Variants in EPM2A observed in about 807,000 individuals in gnomAD.
EPM2A encodes laforin.
Under a neutral mutation model 26.5 loss-of-function variants are expected in EPM2A, and 21 were observed. The ratio of observed to expected loss-of-function variants is 0.79; its 90% CI spans 0.56 to 1.14. EPM2A has a LOEUF of 1.14. Among genes scored for constraint, EPM2A ranks in the 50% most tolerant of loss-of-function variants. EPM2A has a pLI of 0.00. For synonymous variants in EPM2A, 217 were observed against 177.6 expected (o/e 1.22, Z -1.76); for missense variants, 458 against 440.8 (o/e 1.04, Z -0.35).
intron 4 of EPM2A, among the ~76,000 whole-genome samples, chr6:145,415,978 T>C (rs1778702739): frequency 6.6e-6 from 1 of 152,194 alleles, no homozygotes; most frequent in Non-Finnish European, 1.5e-5. Context: ...TGAGCCTGAC[T>C]TACGCCAGAA....
intron 2 of EPM2A, among the ~76,000 whole-genome samples, chr6:145,508,606 C>A (rs1780011610): frequency 6.6e-6 from 1 of 152,038 alleles, no homozygotes; most frequent in African/African-American, 2.4e-5. Flanking sequence ...AAAACAATAG[C>A]AAATTAAAAA....
At chr6:145,614,272 T>G (rs747704041) in intron 2 of EPM2A, among the ~76,000 whole-genome samples, 2 of 152,260 alleles carry the variant, frequency 1.3e-5, no homozygotes, top group Non-Finnish European at 2.9e-5. Context: ...GAGTTAGGGC[T>G]TTGCTCTGGA....
At chr6:145,470,810 T>C (rs1201443036) in intron 4 of EPM2A, among the ~76,000 whole-genome samples, 1 of 152,194 alleles carries the variant, frequency 6.6e-6, no homozygotes, top group African/African-American at 2.4e-5. Flanking sequence ...TTTCATTAAA[T>C]GCTTTAGCTA....
intron 4 of EPM2A, among the ~76,000 whole-genome samples, chr6:145,404,506 G>T (rs1248691167): frequency 3.3e-5 from 5 of 151,912 alleles, no homozygotes; most frequent in African/African-American, 7.2e-5. Context: ...AATTCAAATT[G>T]AAGCTCGCCC....
At chr6:145,601,882 A>C (rs1212470263) in intron 2 of EPM2A, among the ~76,000 whole-genome samples, 1 of 152,232 alleles carries the variant, frequency 6.6e-6, no homozygotes, top group African/African-American at 2.4e-5. Context: ...CTTTTAAGAA[A>C]AAGAATACAT....
chr6:145,664,682 C>G (rs1583001865), intron 2 of EPM2A, among the ~76,000 whole-genome samples: 2 of 152,292 alleles, frequency 1.3e-5, no homozygotes, highest in African/African-American at 4.8e-5. Context: ...ATCTACAGAA[C>G]TCTCCACCCC....
intron 2 of EPM2A, chr6:145,635,740 T>C (rs763264179): frequency 3.8e-4 from 174 of 457,402 alleles, no homozygotes; most frequent in Middle Eastern, 6.3e-4. Flanking sequence ...TCAAGCAATA[T>C]ATTAAAATAA....
At chr6:145,420,999 T>C (rs1040040667) in intron 4 of EPM2A, among the ~76,000 whole-genome samples, 6 of 152,106 alleles carry the variant, frequency 3.9e-5, no homozygotes, top group African/African-American at 1.4e-4. Context: ...AGATCCCACC[T>C]CTCAGCACTG....
chr6:145,413,423 C>T (rs1028568812), intron 4 of EPM2A, among the ~76,000 whole-genome samples: 1 of 152,030 alleles, frequency 6.6e-6, no homozygotes, highest in African/African-American at 2.4e-5. Context: ...AAGTGAAATC[C>T]AGCACTTGAA....
intron 2 of EPM2A, among the ~76,000 whole-genome samples, chr6:145,596,024 A>G (rs1781338273): frequency 6.6e-6 from 1 of 152,200 alleles, no homozygotes; most frequent in Admixed American, 6.5e-5. Context: ...AAAACAGTAA[A>G]ATCATTGGAA....
chr6:145,491,549 C>T (rs1779755674), intron 4 of EPM2A, among the ~76,000 whole-genome samples: 1 of 152,144 alleles, frequency 6.6e-6, no homozygotes, highest in South Asian at 2.1e-4. Context: ...CCGGTCTCTG[C>T]CAATGGAGCC....
chr6:145,557,100 T>A (rs1030748781), intron 2 of EPM2A, among the ~76,000 whole-genome samples: 11 of 152,080 alleles, frequency 7.2e-5, no homozygotes, highest in Non-Finnish European at 1.2e-4. Context: ...ACACAAAAGA[T>A]CTCTAAATAT....
intron 1 of EPM2A, among the ~76,000 whole-genome samples, chr6:145,726,615 A>G (rs1351989665): frequency 1.3e-5 from 2 of 152,194 alleles, no homozygotes; most frequent in Non-Finnish European, 2.9e-5. Flanking sequence ...GTAATAAGGA[A>G]GGCACTTTAC....
chr6:145,510,178 T>C (rs1302347823), intron 2 of EPM2A, among the ~76,000 whole-genome samples: 1 of 151,112 alleles, frequency 6.6e-6, no homozygotes, highest in African/African-American at 2.4e-5. Flanking sequence ...ATTTGACAGC[T>C]CATTGAGACA....
At chr6:145,718,620 G>A (rs1343470274) in intron 1 of EPM2A, among the ~76,000 whole-genome samples, 2 of 152,076 alleles carry the variant, frequency 1.3e-5, no homozygotes, top group Non-Finnish European at 2.9e-5. Context: ...TTGACAAATG[G>A]GATCTAAATA....
chr6:145,734,661 T>C (rs1776715828), intron 1 of EPM2A: 2 of 152,254 alleles, frequency 1.3e-5, no homozygotes, highest in Non-Finnish European at 2.9e-5. Context: ...AACGCTAGTT[T>C]CGTTGGTTGG....
chr6:145,668,133 G>A (rs1779368070), intron 2 of EPM2A, among the ~76,000 whole-genome samples: 1 of 148,634 alleles, frequency 6.7e-6, no homozygotes, highest in African/African-American at 2.5e-5. Flanking sequence ...CCTGCACAAT[G>A]TGCACATGTA....
chr6:145,431,468 G>T (rs1778920614), intron 4 of EPM2A, among the ~76,000 whole-genome samples: 1 of 152,146 alleles, frequency 6.6e-6, no homozygotes, highest in Non-Finnish European at 1.5e-5. Context: ...GCAATAAAGT[G>T]AGCCACATAA....
chr6:145,668,804 C>T (rs1263404087), intron 2 of EPM2A, among the ~76,000 whole-genome samples: 1 of 152,154 alleles, frequency 6.6e-6, no homozygotes, highest in African/African-American at 2.4e-5. Context: ...TTTACTTGCC[C>T]AGTATATTAT....
Sources: allele counts gnomAD v4.1 joint callset (sites outside exome capture counted in the v4.1 genomes callset), GRCh38; gene constraint gnomAD v4.1.1; transcripts MANE v1.5; gene names NCBI Gene and HGNC (gene_info 2026-07-23, HGNC 2026-07-21).